FOXP2: variants seen among roughly 807,000 people sequenced by gnomAD.
FOXP2 encodes the protein forkhead box protein P2.
In FOXP2, 12 loss-of-function variants were observed where a neutral mutation model predicts 115.8. The observed-to-expected ratio is 0.10, with a 90% confidence interval of 0.07 to 0.17. The LOEUF (loss-of-function observed/expected upper bound fraction) is 0.17. Among genes scored for constraint, FOXP2 ranks in the 10% least tolerant of loss-of-function variants. The probability of loss-of-function intolerance (pLI) is 1.00; values close to 1 mark genes in which losing one functional copy is unlikely to be tolerated. For missense variants in FOXP2, 629 were observed against 843.5 expected (o/e 0.75, Z 3.15); for synonymous variants, 328 against 297.7 (o/e 1.10, Z -1.05).
chr7:114,232,212 G>T (rs1349939981), intron 1 of FOXP2, among the ~76,000 whole-genome samples: 1 of 152,024 alleles, frequency 6.6e-6, no homozygotes, highest in Admixed American at 6.6e-5. Context: ...CAAAACAGAA[G>T]ATAAGTGTTG....
chr7:114,674,286 A>G (rs189243449), intron 16 of FOXP2, among the ~76,000 whole-genome samples: 2 of 152,320 alleles, frequency 1.3e-5, no homozygotes, highest in African/African-American at 4.8e-5. Flanking sequence ...AGGTGTGGGA[A>G]ATTTAGTAGG....
intron 2 of FOXP2, among the ~76,000 whole-genome samples, chr7:114,324,945 T>C (rs889203784): frequency 4.6e-5 from 7 of 151,850 alleles, no homozygotes; most frequent in African/African-American, 1.4e-4. Context: ...TGTATTAATA[T>C]TTATGGAGTA....
intron 1 of FOXP2, among the ~76,000 whole-genome samples, chr7:114,234,321 T>C (rs1242239321): frequency 6.6e-6 from 1 of 152,174 alleles, no homozygotes; most frequent in South Asian, 2.1e-4. Context: ...GGAGACAGTG[T>C]TAGGTTTATC....
intron 2 of FOXP2, among the ~76,000 whole-genome samples, chr7:114,510,625 CT>C (rs1368608876): frequency 1.3e-5 from 2 of 152,050 alleles, no homozygotes; most frequent in Admixed American, 6.6e-5. Flanking sequence ...ATAAAGGGCA[CT>C]TTAAAAAGTA....
At chr7:114,086,474 C>A (rs1005093812), upstream of FOXP2, 15 of 327,216 alleles carry the variant, frequency 4.6e-5, no homozygotes, top group African/African-American at 2.9e-4. Context: ...CTTCCTCGGC[C>A]CCCCCCCTCC....
At chr7:114,157,362 A>T (rs1792698803) in intron 1 of FOXP2, among the ~76,000 whole-genome samples, 2 of 152,128 alleles carry the variant, frequency 1.3e-5, no homozygotes, top group Non-Finnish European at 2.9e-5. Flanking sequence ...GGAGTATTTC[A>T]TGGAGTTAAT....
At chr7:114,553,694 T>C (rs9641519) in intron 3 of FOXP2, among the ~76,000 whole-genome samples, 26,134 of 152,094 alleles carry the variant, frequency 0.17, 2,691 homozygotes, top group African/African-American at 0.29. Flanking sequence ...GACTTCCTTT[T>C]GATAGCTCTG....
intron 8 of FOXP2, among the ~76,000 whole-genome samples, chr7:114,650,245 A>G (rs1415352440): frequency 1.3e-5 from 2 of 152,122 alleles, no homozygotes; most frequent in South Asian, 2.1e-4. Flanking sequence ...ATCATTTTAA[A>G]AAGTGATTTC....
chr7:114,454,911 C>T (rs1239103074), intron 2 of FOXP2, among the ~76,000 whole-genome samples: 2 of 135,302 alleles, frequency 1.5e-5, no homozygotes, highest in African/African-American at 5.8e-5. Flanking sequence ...GGAGATATAC[C>T]TAATGCTAGA....
chr7:114,164,102 G>A (rs903329712), intron 1 of FOXP2, among the ~76,000 whole-genome samples: 1 of 152,088 alleles, frequency 6.6e-6, no homozygotes, highest in Non-Finnish European at 1.5e-5. Flanking sequence ...GTGGCCCACG[G>A]TGAAAAATCT....
chr7:114,367,174 C>T (rs1791901576), intron 2 of FOXP2, among the ~76,000 whole-genome samples: 1 of 151,964 alleles, frequency 6.6e-6, no homozygotes, highest in Admixed American at 6.6e-5. Context: ...AGGAGCTTTT[C>T]AGAGTCAAAC....
rs1401881223 is a variant in FOXP2, at chr7:114,691,684, T to G, written c.*1758T>G. 9 of 453,922 alleles carry G rather than the reference T, an allele frequency of 2.0e-5. No individual in the cohort carries two copies. Among genetic ancestry groups the G allele is most frequent in the African/African-American group, 1.4e-4 (7 of 49,954 alleles). The allele number at this position is 453,922 out of a possible 1,614,324, so 28.1% of individuals were successfully genotyped here. A position where few individuals can be genotyped will look rare whatever the true frequency, so the allele number is the denominator to read the frequency against. On this transcript the variant is annotated 3_prime_UTR_variant, in exon 17 of 17. Transcript: ENST00000350908. ...CCCCCAACCAAGGGACCTCATAACC[T>G]GATTATGGTTATTGCTTTACAAACA...
intron 1 of FOXP2, among the ~76,000 whole-genome samples, chr7:114,251,986 C>T (rs1033241785): frequency 2.0e-5 from 3 of 152,028 alleles, no homozygotes; most frequent in Non-Finnish European, 2.9e-5. Context: ...ATTTATTGAG[C>T]GTTTTTAGCA....
chr7:114,631,676 C>T lies in FOXP2; in HGVS notation c.746C>T (p.Ala249Val). 1.2e-6 allele frequency: 2 copies of T among 1,614,126 alleles called. No homozygotes were observed. Among genetic ancestry groups the T allele is most frequent in the Non-Finnish European group, 1.7e-6 (2 of 1,180,022 alleles). ...QGLISIPPGQ[A>V]ALPVQSLPQA... ...CTCATCTCCATTCCACCTGGCCAGG[C>T]AGCACTTCCTGTCCAATCGCTGCCT... The change falls in exon 6 of 17, where the codon GCA becomes GTA. Residue 249 changes from alanine to valine, a missense_variant. By Grantham distance (64) the Ala-to-Val change is moderately conservative. Transcript: ENST00000350908.
chr7:114,586,504 G>A (rs1009540386), intron 3 of FOXP2, among the ~76,000 whole-genome samples: 1 of 151,938 alleles, frequency 6.6e-6, no homozygotes, highest in Non-Finnish European at 1.5e-5. Context: ...TTTAATTTAT[G>A]CATTGAATAT....
intron 1 of FOXP2, among the ~76,000 whole-genome samples, chr7:114,138,043 A>T (rs1792089918): frequency 6.6e-6 from 1 of 152,174 alleles, no homozygotes; most frequent in Non-Finnish European, 1.5e-5. Flanking sequence ...AAATAAGGAA[A>T]TGCTTTTTTA....
rs545970966 is a variant in FOXP2, at chr7:114,246,085, A to G, written c.-101-41934A>G. Among the ~76,000 whole-genome samples, 3 of 152,276 alleles carry G rather than the reference A, an allele frequency of 2.0e-5. No individual in the cohort carries two copies. In the South Asian group the frequency reaches 6.2e-4, roughly 32 times the overall value. On this transcript the variant is annotated intron_variant, in intron 1 of 17. Transcript: ENST00000634411. ...TTTGAAATACTGGAAGTGGAAGCCA[A>G]AGTTTCTTCCAGTCATATAAAATGA...
At chr7:114,325,201 C>A (rs181353137) in intron 2 of FOXP2, among the ~76,000 whole-genome samples, 4 of 151,872 alleles carry the variant, frequency 2.6e-5, no homozygotes, top group African/African-American at 9.6e-5. Context: ...GTAGGAGGAT[C>A]AAAACACTGG....
chr7:114,543,235 A>G (rs923858182), intron 3 of FOXP2, among the ~76,000 whole-genome samples: 1 of 152,198 alleles, frequency 6.6e-6, no homozygotes, highest in East Asian at 1.9e-4. Context: ...ACTATAGTAT[A>G]GTGGATTTTT....
Sources: allele counts gnomAD v4.1 joint callset (sites outside exome capture counted in the v4.1 genomes callset), GRCh38; gene constraint gnomAD v4.1.1; transcripts MANE v1.5; gene names NCBI Gene and HGNC (gene_info 2026-07-23, HGNC 2026-07-21).